The following LMLN variants were observed in gnomAD, a reference collection of about 807,000 sequenced individuals.
LMLN encodes leishmanolysin-like peptidase.
A neutral mutation model predicts 92.3 loss-of-function variants in LMLN; 70 were observed. The ratio of observed to expected loss-of-function variants is 0.76; its 90% CI spans 0.63 to 0.92. LMLN has a LOEUF of 0.92. LMLN is among the 40% of genes least tolerant of loss of function. LMLN has a pLI of 0.00. For missense variants in LMLN, 691 were observed against 814.6 expected, an observed-to-expected ratio of 0.85 and a Z score of 1.85; for synonymous variants, 308 against 296.2, an observed-to-expected ratio of 1.04 and a Z score of -0.41.
Position 197,975,082 on chromosome 3 carries a change from A to G in LMLN, c.348+10A>G. 1 of 1,412,598 alleles carries G rather than the reference A, an allele frequency of 7.1e-7. No homozygotes were observed. Among genetic ancestry groups the G allele is most frequent in the Non-Finnish European group, 9.9e-7 (1 of 1,012,320 alleles). The allele number at this position is 1,412,598 out of a possible 1,614,324, so 87.5% of individuals were successfully genotyped here. On this transcript the variant is annotated intron_variant, in intron 3 of 15. Coordinates refer to ENST00000330198, the Ensembl canonical transcript of LMLN. ...AAAGAATCTTGTAAAGGTATGTAAT[A>G]AATACTCATAACTTGAATTGGACAC...
At chr3:197,969,618 C>G (rs1721166913) in intron 1 of LMLN, among the ~76,000 whole-genome samples, 1 of 152,080 alleles carries the variant, frequency 6.6e-6, no homozygotes, top group Admixed American at 6.5e-5. Flanking sequence ...TTTTATGGCC[C>G]AAAATATGAT....
At chr3:197,972,314 T>C (rs1020740404) in intron 1 of LMLN, among the ~76,000 whole-genome samples, 1 of 152,144 alleles carries the variant, frequency 6.6e-6, no homozygotes, top group African/African-American at 2.4e-5. Context: ...TCCACCCACC[T>C]CAGCCTCCCA....
intron 11 of LMLN, 177 bp downstream of exon 11, chr3:197,999,519 ATTCAATAAATAC>A: frequency 1.7e-6 from 1 of 594,120 alleles, no homozygotes; most frequent in East Asian, 2.8e-5. Flanking sequence ...TCATTCGTTC[ATTCAATAAATAC>A]TTTTGTTGTT....
At chr3:197,984,127 C>A in intron 7 of LMLN, 79 bp downstream of exon 7, 1 of 871,884 alleles carries the variant, frequency 1.1e-6, no homozygotes, top group South Asian at 1.4e-5. Flanking sequence ...ACATATATTC[C>A]ACTTTAAGAT....
At chr3:197,960,275 T>G (rs745653923) in exon 1 of LMLN, 1 of 1,613,344 alleles carries the variant, frequency 6.2e-7, no homozygotes, top group South Asian at 1.1e-5. Context: ...GAGGAGTGGG[T>G]TACTCGGGCT....
chr3:197,990,600 TG>T lies in LMLN; in HGVS notation c.973del (p.Glu325ArgfsTer11). 1 of 1,598,558 alleles carries T rather than the reference TG, an allele frequency of 6.3e-7. No homozygotes were observed. The highest frequency in any genetic ancestry group is 8.6e-7 in the Non-Finnish European group (1 of 1,166,090). On this transcript the variant is annotated frameshift_variant, in exon 9 of 16. Transcript: ENST00000330198. LOFTEE classifies it high-confidence loss of function. ...TGGAGTGATAAAGTAGTTCGAAAAG[TG>T]GAGAGATTATGGGATGTTCGAGATA...
At chr3:198,023,842 G>GT (rs1224763655) in intron 13 of LMLN, among the ~76,000 whole-genome samples, 2 of 152,260 alleles carry the variant, frequency 1.3e-5, no homozygotes, top group East Asian at 3.9e-4. Context: ...TGGTTTTGCC[G>GT]TTAAAGTAAT....
intron 9 of LMLN, among the ~76,000 whole-genome samples, chr3:197,992,089 CAAAA>C (rs869163432): frequency 7.6e-5 from 5 of 65,614 alleles, no homozygotes; most frequent in Admixed American, 1.7e-4. Context: ...GACCCTGTCT[CAAAA>C]AAAAAAAAAA....
chr3:197,976,380 G>A, intron 4 of LMLN: 1 of 492,216 alleles, frequency 2.0e-6, no homozygotes, highest in East Asian at 3.3e-5. Flanking sequence ...TCTTTCATGT[G>A]GATACAGTGT....
intron 11 of LMLN, among the ~76,000 whole-genome samples, chr3:198,014,392 T>G (rs1722554962): frequency 9.5e-6 from 1 of 104,900 alleles, no homozygotes; most frequent in Admixed American, 8.8e-5. Flanking sequence ...CTCTGTATCC[T>G]TCAGAGCCCC....
At chr3:197,980,956 G>A (rs1581140472) in intron 6 of LMLN, among the ~76,000 whole-genome samples, 1 of 151,914 alleles carries the variant, frequency 6.6e-6, no homozygotes, top group East Asian at 1.9e-4. Context: ...AAATAAAATT[G>A]GCCAGGTGTG....
At chr3:197,960,393 T>C (rs998904935) in exon 1 of LMLN, 2 of 1,613,988 alleles carry the variant, frequency 1.2e-6, no homozygotes, top group Non-Finnish European at 1.7e-6. Flanking sequence ...TCCCGTCTCC[T>C]TGGGCAGTTC....
chr3:197,978,719 G>A (rs148648952), intron 5 of LMLN, among the ~76,000 whole-genome samples: 216 of 152,206 alleles, frequency 1.4e-3, no homozygotes, highest in Non-Finnish European at 1.3e-3. Context: ...GGTCAGGCAC[G>A]GTGGCTTATG....
intron 6 of LMLN, chr3:197,980,737 C>T (rs977188942): frequency 1.3e-5 from 5 of 381,646 alleles, no homozygotes; most frequent in South Asian, 5.5e-5. Context: ...TGAAGCACTT[C>T]GTTTGACTTT....
chr3:197,999,491 C>T, intron 11 of LMLN, 149 bp downstream of exon 11: 1 of 611,342 alleles, frequency 1.6e-6, no homozygotes, highest in Non-Finnish European at 2.9e-6. Flanking sequence ...GTCCGTTATT[C>T]ATACCAACTC....
chr3:198,001,421 T>A (rs1722168966), intron 11 of LMLN, among the ~76,000 whole-genome samples: 1 of 152,152 alleles, frequency 6.6e-6, no homozygotes, highest in Non-Finnish European at 1.5e-5. Context: ...ACAGCGCTGA[T>A]AAGATATTCT....
At chr3:197,993,450 A>T (rs1721933998) in intron 9 of LMLN, among the ~76,000 whole-genome samples, 1 of 152,168 alleles carries the variant, frequency 6.6e-6, no homozygotes, top group South Asian at 2.1e-4. Context: ...AGTTTTCTAT[A>T]TACTAACAGA....
intron 11 of LMLN, among the ~76,000 whole-genome samples, chr3:198,003,484 A>C (rs980175688): frequency 6.6e-6 from 1 of 151,928 alleles, no homozygotes; most frequent in South Asian, 2.1e-4. Flanking sequence ...ATTCAGTATC[A>C]AAAAAAAGGC....
chr3:198,020,953 A>G (rs889939473), intron 12 of LMLN, among the ~76,000 whole-genome samples: 1 of 151,734 alleles, frequency 6.6e-6, no homozygotes, highest in Admixed American at 6.6e-5. Flanking sequence ...AAGGAACAAT[A>G]AAATTTATCT....
Sources: gnomAD v4.1 joint callset for allele counts (sites outside exome capture counted in the v4.1 genomes callset) on GRCh38, gnomAD v4.1.1 for gene constraint, MANE v1.5 for transcripts, NCBI Gene and HGNC (gene_info 2026-07-23, HGNC 2026-07-21) for gene names.